CCSER2: variants seen among roughly 807,000 people sequenced by gnomAD.
The protein encoded by CCSER2 is serine-rich coiled-coil domain-containing protein 2.
In CCSER2, 46 loss-of-function variants were observed where a neutral mutation model predicts 92.3. The ratio of observed to expected loss-of-function variants is 0.50; its 90% confidence interval spans 0.39 to 0.64. The LOEUF is 0.64. CCSER2 is among the 30% of genes least tolerant of loss of function. CCSER2 has a pLI of 0.00. For missense variants in CCSER2, 1,244 were observed against 1,238.9 expected, an observed-to-expected ratio of 1.00 and a Z score of -0.06; for synonymous variants, 433 against 431.4, an observed-to-expected ratio of 1.00 and a Z score of -0.04.
intron 9 of CCSER2, among the ~76,000 whole-genome samples, chr10:84,496,777 C>CTG (rs1019736060): frequency 6.6e-6 from 1 of 152,038 alleles, no homozygotes; most frequent in Admixed American, 6.5e-5. Context: ...GCTGGCTTCT[C>CTG]TATCACTCAT....
At chr10:84,438,735 C>G (rs761095254) in intron 6 of CCSER2, 28 bp downstream of exon 6, 9 of 1,397,560 alleles carry the variant, frequency 6.4e-6, no homozygotes, top group Non-Finnish European at 6.7e-6. Context: ...ATTTCCAGCT[C>G]TGATATTTTG....
intron 3 of CCSER2, among the ~76,000 whole-genome samples, chr10:84,407,881 A>G (rs972664598): frequency 5.3e-5 from 8 of 152,178 alleles, no homozygotes; most frequent in African/African-American, 1.7e-4. Context: ...TACCAAAAGT[A>G]TTTGAAAAGA....
intron 6 of CCSER2, among the ~76,000 whole-genome samples, chr10:84,448,513 C>G (rs1385291741): frequency 3.9e-5 from 6 of 152,074 alleles, no homozygotes; most frequent in Non-Finnish European, 8.8e-5. Context: ...CTATTTTGCT[C>G]TGACTTACCT....
intron 6 of CCSER2, among the ~76,000 whole-genome samples, chr10:84,441,733 AATGTTTTTTTT>A (rs1844550325): frequency 8.6e-6 from 1 of 115,918 alleles, no homozygotes; most frequent in Non-Finnish European, 1.8e-5. Context: ...AGACTGGGAA[AATGTTTTTTTT>A]TTTTTTTTTT....
At chr10:84,500,754 G>C (rs948875326) in intron 9 of CCSER2, among the ~76,000 whole-genome samples, 10 of 152,156 alleles carry the variant, frequency 6.6e-5, no homozygotes, top group Non-Finnish European at 1.3e-4. Context: ...CAGTCAATCA[G>C]AGGTATTTTT....
chr10:84,425,951 C>A, intron 5 of CCSER2, 58 bp downstream of exon 5: 1 of 1,266,656 alleles, frequency 7.9e-7, no homozygotes, highest in Non-Finnish European at 1.1e-6. Flanking sequence ...AATTATAATT[C>A]TCCCTTTCCC....
At chr10:84,460,859 T>C (rs945895847) in intron 6 of CCSER2, among the ~76,000 whole-genome samples, 2 of 152,210 alleles carry the variant, frequency 1.3e-5, no homozygotes, top group Non-Finnish European at 2.9e-5. Context: ...TGATTTGTGC[T>C]TTCTTTTTTG....
chr10:84,373,856 C>G (rs1251783082), intron 3 of CCSER2, 41 bp downstream of exon 3: 1 of 1,611,234 alleles, frequency 6.2e-7, no homozygotes, highest in South Asian at 1.1e-5. Flanking sequence ...TTTTGTTTAC[C>G]CTACTATAGA....
chr10:84,484,148 T>A (rs1369768332), intron 9 of CCSER2, among the ~76,000 whole-genome samples: 2 of 151,436 alleles, frequency 1.3e-5, no homozygotes, highest in Non-Finnish European at 2.9e-5. Context: ...TAATTTTTTG[T>A]ATTTTTTTTA....
chr10:84,509,135 C>A (rs1849219995), intron 9 of CCSER2, among the ~76,000 whole-genome samples: 1 of 152,148 alleles, frequency 6.6e-6, no homozygotes, highest in Non-Finnish European at 1.5e-5. Context: ...GCTAACCAGA[C>A]TTATTTGGAG....
At chr10:84,350,089 G>A (rs1844776636) in intron 1 of CCSER2, among the ~76,000 whole-genome samples, 2 of 152,178 alleles carry the variant, frequency 1.3e-5, no homozygotes, top group Non-Finnish European at 2.9e-5. Context: ...GGAAGTGGAG[G>A]TTGCAGTGAG....
chr10:84,383,634 G>A (rs1841036945), intron 3 of CCSER2, among the ~76,000 whole-genome samples: 1 of 152,062 alleles, frequency 6.6e-6, no homozygotes, highest in Non-Finnish European at 1.5e-5. Flanking sequence ...TTTCTAATGT[G>A]TATTCACATA....
chr10:84,391,664 CCAAA>C, intron 3 of CCSER2: 2 of 1,535,700 alleles, frequency 1.3e-6, no homozygotes, highest in South Asian at 2.2e-5. Context: ...ACCCAACACA[CCAAA>C]GACATTGTTA....
At chr10:84,380,857 G>C (rs1257943729) in intron 3 of CCSER2, among the ~76,000 whole-genome samples, 4 of 152,020 alleles carry the variant, frequency 2.6e-5, no homozygotes. Flanking sequence ...ACCACGCCAG[G>C]CTAATTTTTT....
At chr10:84,361,500 G>A (rs1449271721) in intron 1 of CCSER2, among the ~76,000 whole-genome samples, 1 of 152,102 alleles carries the variant, frequency 6.6e-6, no homozygotes, top group African/African-American at 2.4e-5. Flanking sequence ...CATATAAATG[G>A]AATCACACTA....
At chr10:84,423,300 A>G (rs533255264) in intron 4 of CCSER2, among the ~76,000 whole-genome samples, 1 of 152,286 alleles carries the variant, frequency 6.6e-6, no homozygotes, top group East Asian at 1.9e-4. Context: ...TGGAGCAGTC[A>G]TTTCTCTAGA....
intron 9 of CCSER2, among the ~76,000 whole-genome samples, chr10:84,478,773 G>T (rs1402737936): frequency 6.6e-6 from 1 of 152,172 alleles, no homozygotes; most frequent in Non-Finnish European, 1.5e-5. Context: ...AGTCTATAAG[G>T]TTCAAAGGAT....
chr10:84,514,606 C>T lies in CCSER2; in HGVS notation c.*339C>T. The T allele has an allele frequency of 4.0e-6, 1 of 251,800 alleles. No individual in the cohort carries two copies. The allele number at this position is 251,800 out of a possible 1,614,324, so 15.6% of individuals were successfully genotyped here. On this transcript the variant is annotated 3_prime_UTR_variant, in exon 10 of 10. Transcript: ENST00000372088. ...AGAAGTGTGCTTTGCTGGTTTAGTC[C>T]TATTAAGGTCTGTATTTATTGTGGT...
intron 8 of CCSER2, among the ~76,000 whole-genome samples, chr10:84,471,024 TG>T (rs1846760032): frequency 6.6e-6 from 1 of 152,084 alleles, no homozygotes; most frequent in Non-Finnish European, 1.5e-5. Flanking sequence ...TTACTTAGTT[TG>T]TATATAAAAG....
Sources: allele counts gnomAD v4.1 joint callset (sites outside exome capture counted in the v4.1 genomes callset), GRCh38; gene constraint gnomAD v4.1.1; transcripts MANE v1.5; gene names NCBI Gene and HGNC (gene_info 2026-07-23, HGNC 2026-07-21).